Variants in PKHD1 observed in about 807,000 individuals in gnomAD.
The protein encoded by PKHD1 is fibrocystin.
PKHD1 carries 291 observed loss-of-function variants against 412.0 expected under a neutral mutation model. The observed-to-expected ratio is 0.71, with a 90% CI of 0.64 to 0.78. The LOEUF is 0.78. Ranked by LOEUF, PKHD1 falls within the 30% of genes least tolerant of loss-of-function variation. The pLI is 0.00. For synonymous variants in PKHD1, 1,777 were observed against 1,821.5 expected, an observed-to-expected ratio of 0.98 and a Z score of 0.62; for missense variants, 4,825 against 4,950.7, an observed-to-expected ratio of 0.97 and a Z score of 0.76.
intron 4 of PKHD1, among the ~76,000 whole-genome samples, chr6:52,081,311 A>C: frequency 6.6e-6 from 1 of 152,228 alleles, no homozygotes; most frequent in East Asian, 1.9e-4. Context: ...ACCCAGTTTT[A>C]AAACCAATAG....
At chr6:51,840,570 G>A (rs976269446) in intron 50 of PKHD1, among the ~76,000 whole-genome samples, 3 of 151,398 alleles carry the variant, frequency 2.0e-5, no homozygotes, top group Non-Finnish European at 4.4e-5. Context: ...GGAGGTATTT[G>A]TGATTTCCCA....
At chr6:52,065,908 A>G in intron 12 of PKHD1, 68 bp downstream of exon 12, 1 of 826,082 alleles carries the variant, frequency 1.2e-6, no homozygotes, top group Non-Finnish European at 2.1e-6. Context: ...CCCTCATGCC[A>G]TACAGACATA....
intron 34 of PKHD1, among the ~76,000 whole-genome samples, chr6:52,011,003 C>A (rs923386548): frequency 6.6e-6 from 1 of 152,134 alleles, no homozygotes; most frequent in Non-Finnish European, 1.5e-5. Flanking sequence ...CCCTTCCCAG[C>A]TGATGGCAAT....
At chr6:52,058,174 T>A in intron 16 of PKHD1, 149 bp downstream of exon 16, 2 of 738,906 alleles carry the variant, frequency 2.7e-6, no homozygotes, top group Non-Finnish European at 4.8e-6. Flanking sequence ...GTAAACATCT[T>A]CACAATGCTG....
intron 52 of PKHD1, among the ~76,000 whole-genome samples, chr6:51,827,412 A>T (rs1014541576): frequency 6.6e-6 from 1 of 152,132 alleles, no homozygotes; most frequent in African/African-American, 2.4e-5. Context: ...TTATAGCCCT[A>T]ATGTTATAAA....
At chr6:52,031,323 T>G (rs958851207) in intron 29 of PKHD1, among the ~76,000 whole-genome samples, 1 of 152,182 alleles carries the variant, frequency 6.6e-6, no homozygotes, top group African/African-American at 2.4e-5. Context: ...ACTGAAAGCC[T>G]CAACTACCTG....
chr6:52,074,997 T>A (rs1045789475), intron 6 of PKHD1, among the ~76,000 whole-genome samples: 2 of 152,210 alleles, frequency 1.3e-5, no homozygotes, highest in African/African-American at 4.8e-5. Flanking sequence ...ACACCTCTAA[T>A]GGCTGTCTGC....
intron 55 of PKHD1, among the ~76,000 whole-genome samples, chr6:51,770,683 T>C (rs6932663): frequency 0.18 from 27,781 of 151,510 alleles, 3,341 homozygotes; most frequent in African/African-American, 0.34. Context: ...TTCATTTTTT[T>C]CCCACTGGTG....
At chr6:51,630,897 A>C (rs2784210) in intron 65 of PKHD1, among the ~76,000 whole-genome samples, 6,511 of 152,218 alleles carry the variant, frequency 0.043, 236 homozygotes, top group African/African-American at 0.093. Context: ...TGTGCCCAGT[A>C]AAGAAAATAT....
chr6:51,628,592 C>T (rs771939828), intron 65 of PKHD1, among the ~76,000 whole-genome samples: 1 of 152,128 alleles, frequency 6.6e-6, no homozygotes, highest in Non-Finnish European at 1.5e-5. Flanking sequence ...GGTATATACC[C>T]AGTAATGGGA....
chr6:51,958,137 G>A (rs576265793), intron 36 of PKHD1, among the ~76,000 whole-genome samples: 3 of 152,158 alleles, frequency 2.0e-5, no homozygotes, highest in South Asian at 4.1e-4. Context: ...ACTCTAGGTA[G>A]CTCTGTCTTT....
chr6:51,809,226 C>T (rs893045410), intron 52 of PKHD1, among the ~76,000 whole-genome samples: 2 of 152,032 alleles, frequency 1.3e-5, no homozygotes, highest in Admixed American at 6.6e-5. Context: ...GACTCTAGTT[C>T]GTCTGGCATG....
At chr6:51,987,195 C>A (rs1317662136) in intron 35 of PKHD1, among the ~76,000 whole-genome samples, 1 of 152,156 alleles carries the variant, frequency 6.6e-6, no homozygotes, top group Non-Finnish European at 1.5e-5. Context: ...TTCAATACCC[C>A]CATTTTGGTA....
intron 55 of PKHD1, among the ~76,000 whole-genome samples, chr6:51,766,703 TTTG>T (rs1266967113): frequency 1.0e-4 from 15 of 147,022 alleles, no homozygotes; most frequent in Admixed American, 8.7e-4. Flanking sequence ...TTTTTTTAAT[TTTG>T]TTATTATTAT....
At position 52,053,082 on chromosome 6, in the gene PKHD1, C is replaced by T. The variant is rs144455663; in HGVS notation, c.2134G>A (p.Val712Ile). Residue 712 changes from valine (V) to isoleucine (I), a missense_variant, in exon 21 of 67, where the codon GTA becomes ATA. Transcript: ENST00000371117. ...GAGAGAATTTGATGATTACCTGTTA[C>T]GTTTGTGTCTGCAATAATAATTTCA... ...VDEIIIADTN[V>I]TVSQADSGTA... is the part of the protein sequence containing the mutation. 3.7e-6 allele frequency: 6 copies of T among 1,613,762 alleles called. No individual in the cohort carries two copies. The highest frequency in any genetic ancestry group is 1.7e-5 in the Admixed American group (1 of 60,010).
chr6:51,887,633 C>T (rs747761313), intron 43 of PKHD1, among the ~76,000 whole-genome samples: 14 of 152,282 alleles, frequency 9.2e-5, no homozygotes, highest in Non-Finnish European at 1.8e-4. Flanking sequence ...GTGGCTCCCA[C>T]CTTGTCTTGC....
intron 36 of PKHD1, among the ~76,000 whole-genome samples, chr6:51,949,410 C>T (rs1293331938): frequency 6.6e-6 from 1 of 152,094 alleles, no homozygotes; most frequent in East Asian, 1.9e-4. Context: ...TATCCCTGTA[C>T]CTTACTGCAC....
chr6:51,758,349 G>A (rs1787418611), intron 55 of PKHD1, among the ~76,000 whole-genome samples: 1 of 152,094 alleles, frequency 6.6e-6, no homozygotes, highest in African/African-American at 2.4e-5. Flanking sequence ...AGAGGAAACT[G>A]GGGTCTCAGT....
chr6:51,855,554 A>G (rs994858332), intron 49 of PKHD1, among the ~76,000 whole-genome samples: 1 of 152,218 alleles, frequency 6.6e-6, no homozygotes, highest in Non-Finnish European at 1.5e-5. Context: ...TAAATTGGCT[A>G]TTGACCAATA....
Sources: allele counts gnomAD v4.1 joint callset (sites outside exome capture counted in the v4.1 genomes callset), GRCh38; gene constraint gnomAD v4.1.1; transcripts MANE v1.5; gene names NCBI Gene and HGNC (gene_info 2026-07-23, HGNC 2026-07-21).